Variants in NALF1 observed in about 807,000 individuals in gnomAD.
NALF1 encodes family with sequence similarity 155 member A.
NALF1 carries 3 observed loss-of-function variants against 48.4 expected under a neutral mutation model. The observed-to-expected ratio is 0.06, with a 90% CI of 0.03 to 0.16. NALF1 has a LOEUF of 0.16. NALF1 is among the 10% of genes least tolerant of loss of function. NALF1 has a pLI of 1.00. For synonymous variants in NALF1, 262 were observed against 245.7 expected, an observed-to-expected ratio of 1.07 and a Z score of -0.62; for missense variants, 526 against 571.5, an observed-to-expected ratio of 0.92 and a Z score of 0.81.
intron 1 of NALF1, among the ~76,000 whole-genome samples, chr13:107,485,107 G>C (rs1289309429): frequency 1.3e-5 from 2 of 152,118 alleles, no homozygotes; most frequent in African/African-American, 4.8e-5. Context: ...TAAACGTACA[G>C]CTATGACCTA....
At chr13:107,570,644 A>T (rs9520494) in intron 1 of NALF1, among the ~76,000 whole-genome samples, 51,798 of 150,748 alleles carry the variant, frequency 0.34, 10,070 homozygotes, top group Non-Finnish European at 0.45. Flanking sequence ...TTAGTTACAT[A>T]TGTATACATG....
chr13:107,176,014 G>A (rs377169876), intron 2 of NALF1, among the ~76,000 whole-genome samples: 22 of 152,004 alleles, frequency 1.4e-4, no homozygotes, highest in Non-Finnish European at 2.4e-4. Context: ...GAGTTCTCCC[G>A]CAAAAACCAC....
At chr13:107,234,801 A>G (rs1880306593) in intron 1 of NALF1, among the ~76,000 whole-genome samples, 1 of 152,234 alleles carries the variant, frequency 6.6e-6, no homozygotes, top group Non-Finnish European at 1.5e-5. Flanking sequence ...ATATGGTTAT[A>G]CTTAAGAACT....
At position 107,556,679 on chromosome 13, in the gene NALF1, G is replaced by T. The variant is rs80057481; in HGVS notation, c.915+309003C>A. Among the ~76,000 whole-genome samples the T allele has an allele frequency of 9.2e-4, 140 of 151,870 alleles. 1 individual carries two copies. The highest frequency in any genetic ancestry group is 3.4e-3 in the Middle Eastern group (1 of 294). ...GCTTTTTGTATTTATTAGAGACGGG[G>T]TTCACCATGTTAGTCAGGCTGGTTG... is the stretch of plus-strand genomic sequence containing the variant. On this transcript the variant is annotated intron_variant, in intron 1 of 2. Transcript: ENST00000375915.
At chr13:107,610,593 A>G (rs1879199362) in intron 1 of NALF1, among the ~76,000 whole-genome samples, 1 of 152,204 alleles carries the variant, frequency 6.6e-6, no homozygotes, top group South Asian at 2.1e-4. Flanking sequence ...TCAATTTATG[A>G]TAATACCAGC....
intron 1 of NALF1, among the ~76,000 whole-genome samples, chr13:107,641,572 A>G (rs1359480217): frequency 6.6e-6 from 1 of 152,184 alleles, no homozygotes; most frequent in East Asian, 1.9e-4. Context: ...GGAAAAAACA[A>G]ATAGAGATTT....
chr13:107,216,984 G>C (rs1879886583), intron 1 of NALF1, among the ~76,000 whole-genome samples: 1 of 152,198 alleles, frequency 6.6e-6, no homozygotes, highest in Non-Finnish European at 1.5e-5. Flanking sequence ...AACCTAAGAA[G>C]CATTTGTCAA....
At chr13:107,663,284 G>T (rs551621993) in intron 1 of NALF1, among the ~76,000 whole-genome samples, 2 of 152,256 alleles carry the variant, frequency 1.3e-5, no homozygotes, top group Non-Finnish European at 2.9e-5. Context: ...TTCCTTAGGG[G>T]ACAAATGTTT....
chr13:107,700,204 C>T (rs975721060), intron 1 of NALF1, among the ~76,000 whole-genome samples: 5 of 151,210 alleles, frequency 3.3e-5, no homozygotes, highest in South Asian at 4.2e-4. Context: ...AAAGAAATAC[C>T]GAGGAAGAGA....
In NALF1 at chr13:107,535,986, T is replaced by C. The variant is rs182420973; in HGVS notation, c.916-325231A>G. On this transcript the variant is annotated intron_variant, in intron 1 of 2. Coordinates refer to ENST00000375915, the MANE Select transcript of NALF1 (RefSeq NM_001080396.3). ...AAACAAGAAATGGGGAAAGGATTCC[T>C]TATTTAATAAATGGTGCTGGGAAAA... Among the ~76,000 whole-genome samples the C allele has an allele frequency of 3.6e-3, 541 of 152,184 alleles. 3 individuals are homozygous for C. Among genetic ancestry groups the C allele is most frequent in the African/African-American group, 0.013 (520 of 41,546 alleles).
intron 2 of NALF1, among the ~76,000 whole-genome samples, chr13:107,183,424 A>C (rs1879107675): frequency 1.3e-5 from 2 of 152,220 alleles, no homozygotes; most frequent in African/African-American, 4.8e-5. Context: ...CCATTGTGAA[A>C]GATAGTGTGG....
chr13:107,386,412 C>G (rs1173538750), intron 1 of NALF1, among the ~76,000 whole-genome samples: 2 of 152,118 alleles, frequency 1.3e-5, no homozygotes, highest in Non-Finnish European at 2.9e-5. Flanking sequence ...GGAAACTTGG[C>G]TTTTACACAA....
At chr13:107,792,819 G>T (rs558775136) in intron 1 of NALF1, among the ~76,000 whole-genome samples, 1 of 152,102 alleles carries the variant, frequency 6.6e-6, no homozygotes, top group African/African-American at 2.4e-5. Context: ...TTGTTTGTTT[G>T]TTTGTTTAGA....
rs550606054 is a variant in NALF1 at position 107,867,030 on chromosome 13, C to T, written c.-434G>A. Among the ~76,000 whole-genome samples, 1 of 151,882 alleles carries T rather than the reference C, an allele frequency of 6.6e-6. No homozygotes were observed. The highest frequency in any genetic ancestry group is 2.0e-4 in the East Asian group (1 of 5,054). The stretch of plus-strand genomic sequence containing the variant: ...CGGTCACCCAGGCATTGTCAGCGCG[C>T]GGGTCCCCATGGCCCCGCGGAGCCC... On this transcript the variant is annotated 5_prime_UTR_variant, in exon 1 of 3. Coordinates refer to ENST00000375915, the MANE Select transcript of NALF1 (RefSeq NM_001080396.3). This position sits in a 1 kb window ranked among gnomAD's most constrained non-coding sequence, Gnocchi z 4.4.
chr13:107,426,348 C>T (rs553932703), intron 1 of NALF1, among the ~76,000 whole-genome samples: 36 of 152,274 alleles, frequency 2.4e-4, no homozygotes, highest in African/African-American at 8.4e-4. Context: ...CTGTGCTTGA[C>T]AGCGCCAAGA....
At chr13:107,205,595 T>C (rs2138799399) in intron 2 of NALF1, among the ~76,000 whole-genome samples, 1 of 152,220 alleles carries the variant, frequency 6.6e-6, no homozygotes, top group South Asian at 2.1e-4. Flanking sequence ...CATAACCTTA[T>C]TCCTGTCACA....
chr13:107,200,326 T>G (rs1404790397), intron 2 of NALF1, among the ~76,000 whole-genome samples: 1 of 151,996 alleles, frequency 6.6e-6, no homozygotes, highest in Non-Finnish European at 1.5e-5. Flanking sequence ...TGGCTATATC[T>G]GGGGTGTTGG....
At chr13:107,189,638 A>C (rs1334535315) in intron 2 of NALF1, among the ~76,000 whole-genome samples, 2 of 152,194 alleles carry the variant, frequency 1.3e-5, no homozygotes, top group African/African-American at 4.8e-5. Flanking sequence ...TCCTACTCTG[A>C]TAAGTTACCA....
At chr13:107,508,621 A>G (rs1298065150) in intron 1 of NALF1, among the ~76,000 whole-genome samples, 1 of 152,076 alleles carries the variant, frequency 6.6e-6, no homozygotes, top group Non-Finnish European at 1.5e-5. Context: ...TAGTATTCTG[A>G]CTTCAGCATA....
Sources: gnomAD v4.1 joint callset for allele counts (sites outside exome capture counted in the v4.1 genomes callset) on GRCh38, gnomAD v4.1.1 for gene constraint, Gnocchi (gnomAD v3.1) non-coding constraint, MANE v1.5 for transcripts, NCBI Gene and HGNC (gene_info 2026-07-23, HGNC 2026-07-21) for gene names.